The following RFX3 variants were observed in gnomAD, a reference collection of about 807,000 sequenced individuals.
The protein encoded by RFX3 is regulatory factor X3.
A neutral mutation model predicts 98.6 loss-of-function variants in RFX3; 14 were observed. That is an observed-to-expected ratio of 0.14 (90% CI 0.09 to 0.22). The LOEUF is 0.22. Ranked by LOEUF, RFX3 falls within the 10% of genes least tolerant of loss-of-function variation. The pLI is 1.00. For synonymous variants in RFX3, 383 were observed against 328.4 expected (o/e 1.17, Z -1.80); for missense variants, 639 against 926.9 (o/e 0.69, Z 4.03).
chr9:3,417,492 G>T (rs1044713986), intron 1 of RFX3, among the ~76,000 whole-genome samples: 1 of 151,848 alleles, frequency 6.6e-6, no homozygotes, highest in African/African-American at 2.4e-5. Context: ...GATCACAAAA[G>T]AATTAAGTTA....
chr9:3,391,930 G>GA (rs1052103743), intron 2 of RFX3, among the ~76,000 whole-genome samples: 7 of 151,934 alleles, frequency 4.6e-5, no homozygotes, highest in Admixed American at 1.3e-4. Flanking sequence ...AATACCACAT[G>GA]AAAAAAGAGA....
chr9:3,467,103 TATATGTATATACATACATATATGTAA>T (rs1208061670), intron 1 of RFX3, among the ~76,000 whole-genome samples: 1 of 143,532 alleles, frequency 7.0e-6, no homozygotes, highest in East Asian at 2.0e-4. Context: ...TATGTAAGTA[TATATGTATATACATACATATATGTAA>T]GTATATATGT....
chr9:3,430,516 T>G (rs1374683481), intron 1 of RFX3, among the ~76,000 whole-genome samples: 1 of 152,144 alleles, frequency 6.6e-6, no homozygotes, highest in African/African-American at 2.4e-5. Context: ...CTTGGTAAAA[T>G]TTTTTTAGAG....
intron 1 of RFX3, among the ~76,000 whole-genome samples, chr9:3,503,118 T>C (rs894875487): frequency 6.6e-6 from 1 of 152,162 alleles, no homozygotes; most frequent in Non-Finnish European, 1.5e-5. Flanking sequence ...ATTTTTTACT[T>C]TTTTAATGTC....
intron 3 of RFX3, among the ~76,000 whole-genome samples, chr9:3,344,069 G>A (rs143082485): frequency 6.6e-6 from 1 of 152,214 alleles, no homozygotes; most frequent in African/African-American, 2.4e-5. Flanking sequence ...TACCTATTAT[G>A]TGGAAGACCC....
intron 1 of RFX3, among the ~76,000 whole-genome samples, chr9:3,516,109 C>T (rs1008583156): frequency 2.0e-5 from 3 of 151,922 alleles, no homozygotes; most frequent in African/African-American, 4.8e-5. Context: ...AGCGCACTGG[C>T]GTGATCTCGG....
chr9:3,255,981 T>G (rs77641279), intron 14 of RFX3, among the ~76,000 whole-genome samples: 4 of 152,184 alleles, frequency 2.6e-5, no homozygotes, highest in African/African-American at 9.7e-5. Context: ...CTTTTTTTTT[T>G]TCTGAGACGG....
At chr9:3,326,944 G>A (rs1481650353) in intron 4 of RFX3, among the ~76,000 whole-genome samples, 1 of 152,050 alleles carries the variant, frequency 6.6e-6, no homozygotes, top group African/African-American at 2.4e-5. Context: ...AAGAATTTCG[G>A]CCACAGTATA....
chr9:3,288,665 A>G (rs1171079973), intron 6 of RFX3, among the ~76,000 whole-genome samples: 1 of 152,118 alleles, frequency 6.6e-6, no homozygotes, highest in East Asian at 1.9e-4. Flanking sequence ...TATTTATTGT[A>G]AAGCATGTAT....
chr9:3,325,007 TG>T (rs779537350), intron 4 of RFX3, among the ~76,000 whole-genome samples: 11 of 151,864 alleles, frequency 7.2e-5, no homozygotes, highest in Non-Finnish European at 1.3e-4. Context: ...AGAGAGAACT[TG>T]GTAATACTGG....
At chr9:3,519,502 G>A (rs973884892) in intron 1 of RFX3, among the ~76,000 whole-genome samples, 2 of 152,108 alleles carry the variant, frequency 1.3e-5, no homozygotes, top group Admixed American at 6.6e-5. Flanking sequence ...TAAAGCCAAC[G>A]CGTATTGAAC....
At chr9:3,251,596 A>G (rs1256074928) in intron 14 of RFX3, among the ~76,000 whole-genome samples, 1 of 151,560 alleles carries the variant, frequency 6.6e-6, no homozygotes, top group African/African-American at 2.4e-5. Flanking sequence ...GCCTCCCCCA[A>G]ATAGCTGGGA....
chr9:3,492,805 T>C (rs1436088701), intron 1 of RFX3, among the ~76,000 whole-genome samples: 2 of 152,196 alleles, frequency 1.3e-5, no homozygotes, highest in South Asian at 2.1e-4. Flanking sequence ...TTTATCTCAT[T>C]ATAAAGCTGT....
intron 1 of RFX3, among the ~76,000 whole-genome samples, chr9:3,446,884 A>T (rs1846103213): frequency 1.3e-5 from 2 of 152,096 alleles, no homozygotes; most frequent in Admixed American, 6.6e-5. Flanking sequence ...AATTCTTTTT[A>T]AAAAATCCAA....
At chr9:3,454,206 A>G (rs1846940532) in intron 1 of RFX3, among the ~76,000 whole-genome samples, 1 of 152,198 alleles carries the variant, frequency 6.6e-6, no homozygotes, top group African/African-American at 2.4e-5. Context: ...TGTAAAATAA[A>G]CCATTTCAAA....
At chr9:3,277,275 C>T (rs1825353681) in intron 8 of RFX3, 65 bp downstream of exon 8, 9 of 1,552,304 alleles carry the variant, frequency 5.8e-6, no homozygotes, top group Non-Finnish European at 8.0e-6. Context: ...AGACATTGCA[C>T]TTGGAGAAAA....
intron 5 of RFX3, 39 bp from the exon 6 acceptor site, chr9:3,293,297 T>C (rs1827609130): frequency 6.7e-7 from 1 of 1,503,338 alleles, no homozygotes; most frequent in Non-Finnish European, 8.9e-7. Context: ...ACAAATCACA[T>C]AATTTGCCAA....
At chr9:3,317,853 A>C (rs936034901) in intron 4 of RFX3, among the ~76,000 whole-genome samples, 4 of 152,216 alleles carry the variant, frequency 2.6e-5, no homozygotes, top group African/African-American at 4.8e-5. Flanking sequence ...AATGGCGATC[A>C]TTAAAAAGTC....
intron 7 of RFX3, among the ~76,000 whole-genome samples, chr9:3,284,071 A>T (rs946742566): frequency 6.6e-6 from 1 of 151,728 alleles, no homozygotes; most frequent in Non-Finnish European, 1.5e-5. Flanking sequence ...TTTAGATGTG[A>T]TTGACAGATT....
Sources: allele counts gnomAD v4.1 joint callset (sites outside exome capture counted in the v4.1 genomes callset), GRCh38; gene constraint gnomAD v4.1.1; transcripts MANE v1.5; gene names NCBI Gene and HGNC (gene_info 2026-07-23, HGNC 2026-07-21).